CBFA2T3: variants seen among roughly 807,000 people sequenced by gnomAD.
CBFA2T3 encodes CBFA2/RUNX1 partner transcriptional co-repressor 3.
CBFA2T3 carries 31 observed loss-of-function variants against 58.6 expected under a neutral mutation model. That is an observed-to-expected ratio of 0.53 (90% confidence interval 0.40 to 0.71). CBFA2T3 has a LOEUF of 0.71. CBFA2T3 is among the 30% of genes least tolerant of loss of function. CBFA2T3 has a pLI of 0.00. For missense variants in CBFA2T3, 1,076 were observed against 963.1 expected, an observed-to-expected ratio of 1.12 and a Z score of -1.55; for synonymous variants, 531 against 421.9, an observed-to-expected ratio of 1.26 and a Z score of -3.17.
intron 1 of CBFA2T3, among the ~76,000 whole-genome samples, chr16:88,912,104 GA>G (rs1200892551): frequency 6.6e-6 from 1 of 152,262 alleles, no homozygotes; most frequent in East Asian, 1.9e-4. Context: ...CTTCCCGTTG[GA>G]AGGTGCACAG....
chr16:88,920,942 C>T (rs1169835787), intron 1 of CBFA2T3, among the ~76,000 whole-genome samples: 5 of 152,240 alleles, frequency 3.3e-5, no homozygotes, highest in African/African-American at 4.8e-5. Context: ...AGCAGCGGGA[C>T]GGGTGTCTCC....
At chr16:88,937,031 C>G (rs1297884648) in intron 1 of CBFA2T3, 2 of 152,268 alleles carry the variant, frequency 1.3e-5, no homozygotes, top group African/African-American at 2.4e-5. Context: ...TCCAGACAAG[C>G]AAAGCCCTTG....
At chr16:88,944,906 C>T (rs2142822834) in intron 1 of CBFA2T3, among the ~76,000 whole-genome samples, 1 of 152,360 alleles carries the variant, frequency 6.6e-6, no homozygotes, top group Non-Finnish European at 1.5e-5. Flanking sequence ...ACCCAGAAAG[C>T]TTGAGTAATC....
intron 1 of CBFA2T3, among the ~76,000 whole-genome samples, chr16:88,964,706 C>T (rs1211611403): frequency 6.6e-6 from 1 of 152,174 alleles, no homozygotes; most frequent in African/African-American, 2.4e-5. Flanking sequence ...TGCTTCCTTA[C>T]CTTTTTATCT....
intron 8 of CBFA2T3, 99 bp downstream of exon 8, chr16:88,882,577 C>A: frequency 2.5e-6 from 1 of 397,602 alleles, no homozygotes; most frequent in East Asian, 1.1e-4. Context: ...TGGCTGTGGG[C>A]GTGGCTGTGT....
At chr16:88,964,094 C>T (rs1196244156) in intron 1 of CBFA2T3, among the ~76,000 whole-genome samples, 1 of 152,246 alleles carries the variant, frequency 6.6e-6, no homozygotes, top group Non-Finnish European at 1.5e-5. Flanking sequence ...AGACCATCTG[C>T]ATACCTGGGC....
chr16:88,970,263 G>A (rs984230565), intron 1 of CBFA2T3, among the ~76,000 whole-genome samples: 3 of 152,182 alleles, frequency 2.0e-5, no homozygotes, highest in Non-Finnish European at 2.9e-5. Flanking sequence ...TCCAGGGGTC[G>A]GCGACGCGGG....
At chr16:88,968,760 C>T (rs1484355669) in intron 1 of CBFA2T3, among the ~76,000 whole-genome samples, 1 of 152,174 alleles carries the variant, frequency 6.6e-6, no homozygotes. Flanking sequence ...TTGCACCGAG[C>T]CCCTCCAGCG....
chr16:88,952,943 G>A (rs1303614629), intron 1 of CBFA2T3, among the ~76,000 whole-genome samples: 1 of 140,024 alleles, frequency 7.1e-6, no homozygotes, highest in Non-Finnish European at 1.5e-5. Flanking sequence ...GGACCCCCAC[G>A]CAGGGCCTGT....
intron 1 of CBFA2T3, among the ~76,000 whole-genome samples, chr16:88,908,975 A>T (rs113590810): frequency 0.011 from 1,740 of 151,994 alleles, 37 homozygotes; most frequent in African/African-American, 0.04. Context: ...CTGGCTCTGG[A>T]TCCGATCCTC....
intron 1 of CBFA2T3, chr16:88,941,067 G>A (rs1971708197): frequency 3.0e-6 from 3 of 985,546 alleles, no homozygotes; most frequent in Non-Finnish European, 3.6e-6. Context: ...GCGCACACTC[G>A]CGACTCGGTC....
intron 2 of CBFA2T3, 57 bp from the exon 3 acceptor site, chr16:88,898,209 C>T (rs1472295803): frequency 2.2e-6 from 3 of 1,352,188 alleles, no homozygotes; most frequent in East Asian, 4.6e-5. Context: ...GGAGACTCTG[C>T]CCTCAGGGGC....
At chr16:88,964,488 T>C (rs1360781648) in intron 1 of CBFA2T3, among the ~76,000 whole-genome samples, 2 of 152,180 alleles carry the variant, frequency 1.3e-5, no homozygotes, top group Non-Finnish European at 2.9e-5. Flanking sequence ...TGAAGAAAGA[T>C]TGCACTTCAC....
intron 3 of CBFA2T3, among the ~76,000 whole-genome samples, chr16:88,893,563 C>A (rs941365483): frequency 1.3e-5 from 2 of 152,206 alleles, no homozygotes; most frequent in Non-Finnish European, 2.9e-5. Context: ...TGGGTTCCTG[C>A]CCCTGGCGGC....
intron 1 of CBFA2T3, chr16:88,938,804 C>G (rs1020025570): frequency 5.3e-5 from 8 of 152,270 alleles, no homozygotes; most frequent in African/African-American, 1.9e-4. Context: ...AAGCACCATC[C>G]TTCCACCCTG....
chr16:88,946,141 C>G (rs1183226365), intron 1 of CBFA2T3, among the ~76,000 whole-genome samples: 2 of 152,050 alleles, frequency 1.3e-5, no homozygotes, highest in African/African-American at 4.8e-5. Flanking sequence ...AACCTCGTCT[C>G]TACTAAAAAT....
rs1969317211 is a variant in CBFA2T3 at position 88,885,288 on chromosome 16, G to A, written c.894-19C>T. ...TTTGGTCCTAGCCCCAAGAGCAGGT[G>A]GGGCGAGGGCAGTGGACATAGGATG... On this transcript the variant is annotated intron_variant, in intron 6 of 11. Coordinates refer to ENST00000268679, the MANE Select transcript of CBFA2T3 (RefSeq NM_005187.6). The surrounding 1 kb of genome is among the most constrained non-coding windows in gnomAD (Gnocchi z 5.3). The A allele has an allele frequency of 6.6e-7, 1 of 1,511,016 alleles. No individual in the cohort carries two copies. Among genetic ancestry groups the A allele is most frequent in the South Asian group, 1.3e-5 (1 of 77,802 alleles). The allele number at this position is 1,511,016 out of a possible 1,614,324, so 93.6% of individuals were successfully genotyped here.
At chr16:88,930,159 T>C (rs961874336) in intron 1 of CBFA2T3, among the ~76,000 whole-genome samples, 6 of 143,426 alleles carry the variant, frequency 4.2e-5, no homozygotes, top group South Asian at 2.2e-4. Flanking sequence ...TACCCACAGC[T>C]GCATGGTCCA....
At chr16:88,911,921 C>T (rs959061580) in intron 1 of CBFA2T3, among the ~76,000 whole-genome samples, 7 of 152,262 alleles carry the variant, frequency 4.6e-5, no homozygotes, top group African/African-American at 1.7e-4. Flanking sequence ...CTCTGTTGCC[C>T]AGAGTTGGCT....
Sources: allele counts gnomAD v4.1 joint callset (sites outside exome capture counted in the v4.1 genomes callset), GRCh38; gene constraint gnomAD v4.1.1; non-coding constraint Gnocchi (gnomAD v3.1); transcripts MANE v1.5; gene names NCBI Gene and HGNC (gene_info 2026-07-23, HGNC 2026-07-21).